The following CT47C1 variants were observed in gnomAD, a reference collection of about 807,000 sequenced individuals.
The protein encoded by CT47C1 is cancer/testis antigen family 47 member A11 pseudogene.
At chrX:119,073,230 C>G in the CT47C1 span, 1 of 480,993 alleles carries the variant, frequency 2.1e-6, no homozygotes, top group East Asian at 3.4e-5. Flanking sequence ...GGCGTCATGT[C>G]TGCCACAGGG....
At chrX:119,075,423 A>G in the CT47C1 span, among the ~76,000 whole-genome samples, 2 of 111,942 alleles carry the variant, frequency 1.8e-5, no homozygotes, top group African/African-American at 6.5e-5. Flanking sequence ...TGTGTAGAAA[A>G]CAGTTGCCAG....
chrX:119,073,762 C>G, the CT47C1 span: 1 of 808,690 alleles, frequency 1.2e-6, no homozygotes, highest in Admixed American at 2.6e-5. Flanking sequence ...AGAGGCTGGG[C>G]GTGGGGGCCG....
chrX:119,075,277 A>G, the CT47C1 span, among the ~76,000 whole-genome samples: 1 of 112,714 alleles, frequency 8.9e-6, no homozygotes, highest in African/African-American at 3.2e-5. Flanking sequence ...TCATGTACGT[A>G]GTAATATGAA....
chrX:119,075,272 T>C, the CT47C1 span, among the ~76,000 whole-genome samples: 1 of 112,724 alleles, frequency 8.9e-6, no homozygotes, highest in Admixed American at 9.4e-5. Flanking sequence ...AATATTCATG[T>C]ACGTAGTAAT....
the CT47C1 span, chrX:119,073,728 A>T: frequency 1.3e-6 from 1 of 756,049 alleles, no homozygotes; most frequent in Non-Finnish European, 1.9e-6. Flanking sequence ...GGCTCAGAAG[A>T]GCCCCGGCTG....
chrX:119,073,343 A>T, the CT47C1 span: 1 of 529,653 alleles, frequency 1.9e-6, no homozygotes, highest in Non-Finnish European at 3.4e-6. Context: ...TGGCCCCGAC[A>T]GTGGCAACAC....
chrX:119,073,638 G>A, the CT47C1 span: 3 of 567,067 alleles, frequency 5.3e-6, no homozygotes, highest in Admixed American at 5.2e-5. Context: ...CTTCTCCTCC[G>A]CATCTATCAC....
the CT47C1 span, chrX:119,074,870 G>T: frequency 7.9e-6 from 7 of 888,402 alleles, no homozygotes; most frequent in Non-Finnish European, 1.6e-6. Context: ...TCTCCTGAGG[G>T]TGGAGTACTG....
At chrX:119,075,686 ATCTG>A in the CT47C1 span, among the ~76,000 whole-genome samples, 469 of 109,189 alleles carry the variant, frequency 4.3e-3, 3 homozygotes, top group African/African-American at 0.015. Flanking sequence ...CTTAAGGCAT[ATCTG>A]TCTTTGAGTA....
chrX:119,075,118 G>C, the CT47C1 span: 153 of 1,076,661 alleles, frequency 1.4e-4, no homozygotes, highest in Non-Finnish European at 1.9e-4. Context: ...TCCAGGTATC[G>C]GTGTATAGCT....
the CT47C1 span, chrX:119,074,968 A>G: frequency 9.6e-7 from 1 of 1,044,275 alleles, no homozygotes. Context: ...AGAAGTCACT[A>G]AATATCAGCA....
chrX:119,075,483 T>G, the CT47C1 span, among the ~76,000 whole-genome samples: 1 of 112,039 alleles, frequency 8.9e-6, no homozygotes, highest in Non-Finnish European at 1.9e-5. Context: ...ACTTCATTAC[T>G]TAGCCACAGA....
chrX:119,075,676 C>T, the CT47C1 span, among the ~76,000 whole-genome samples: 4 of 109,315 alleles, frequency 3.7e-5, no homozygotes, highest in East Asian at 1.1e-3. Flanking sequence ...GTAATTAAGT[C>T]TTAAGGCATA....
chrX:119,073,295 C>A, the CT47C1 span: 86 of 503,170 alleles, frequency 1.7e-4, no homozygotes, highest in Admixed American at 2.4e-3. Context: ...GGAGGGAGCG[C>A]AGGCCGAGGC....
At chrX:119,074,049 C>T in the CT47C1 span, 5 of 537,908 alleles carry the variant, frequency 9.3e-6, no homozygotes, top group South Asian at 8.5e-5. Flanking sequence ...GCAGAGGAAC[C>T]GGCCACAGAG....
At chrX:119,073,810 G>A in the CT47C1 span, 1 of 872,851 alleles carries the variant, frequency 1.1e-6, no homozygotes, top group African/African-American at 1.9e-5. Flanking sequence ...TGCTCCAGGA[G>A]GCCGCGTTGG....
At chrX:119,073,285 G>T in the CT47C1 span, 1 of 505,196 alleles carries the variant, frequency 2.0e-6, no homozygotes, top group Non-Finnish European at 3.5e-6. Context: ...CAGTGAACCA[G>T]GAGGGAGCGC....
At chrX:119,076,462 T>C in the CT47C1 span, 1 of 112,662 alleles carries the variant, frequency 8.9e-6, no homozygotes, top group Non-Finnish European at 1.9e-5. Context: ...ATACCTTCAT[T>C]GAAAGGTATT....
chrX:119,073,427 GC>G, the CT47C1 span: 1 of 519,169 alleles, frequency 1.9e-6, no homozygotes, highest in Non-Finnish European at 3.5e-6. Flanking sequence ...CTTGGCCGCA[GC>G]CCCCGGGGGT....
Sources: gnomAD v4.1 joint callset for allele counts (sites outside exome capture counted in the v4.1 genomes callset) on GRCh38, gnomAD v4.1.1 for gene constraint, MANE v1.5 for transcripts, NCBI Gene and HGNC (gene_info 2026-07-23, HGNC 2026-07-21) for gene names.